The following CLDN14 variants were observed in gnomAD, a reference collection of about 807,000 sequenced individuals.
The protein encoded by CLDN14 is claudin-14.
A neutral mutation model predicts 2.1 loss-of-function variants in CLDN14; 2 were observed. The observed-to-expected ratio is 0.96, with a 90% confidence interval of 0.39 to 3.01. CLDN14 has a LOEUF of 3.01. Among genes scored for constraint, CLDN14 ranks in the 30% most tolerant of loss-of-function variants. The pLI is 0.09. For synonymous variants in CLDN14, 136 were observed against 154.4 expected, an observed-to-expected ratio of 0.88 and a Z score of 0.88; for missense variants, 298 against 328.0, an observed-to-expected ratio of 0.91 and a Z score of 0.71.
intron 2 of CLDN14, among the ~76,000 whole-genome samples, chr21:36,494,457 C>A (rs1002641536): frequency 6.6e-6 from 1 of 152,190 alleles, no homozygotes; most frequent in Non-Finnish European, 1.5e-5. Context: ...AGAATCTGAA[C>A]TGTTACTGCC....
chr21:36,526,778 C>T (rs16997926), intron 1 of CLDN14, among the ~76,000 whole-genome samples: 12,911 of 152,298 alleles, frequency 0.085, 1,190 homozygotes, highest in African/African-American at 0.23. Context: ...ATTAATCTTC[C>T]CTCCAGGCTT....
chr21:36,502,010 A>G (rs960281630), intron 2 of CLDN14, among the ~76,000 whole-genome samples: 2 of 151,948 alleles, frequency 1.3e-5, no homozygotes, highest in African/African-American at 4.8e-5. Context: ...AACCCTGCAC[A>G]CTAGTTTGTA....
At chr21:36,567,855 T>C (rs413616) in intron 1 of CLDN14, among the ~76,000 whole-genome samples, 127,391 of 152,018 alleles carry the variant, frequency 0.84, 53,838 homozygotes, top group Non-Finnish European at 0.9. Context: ...TTTTTTTTCA[T>C]ACATTTGTTT....
At chr21:36,496,095 T>C (rs117024128) in intron 2 of CLDN14, among the ~76,000 whole-genome samples, 3,680 of 152,198 alleles carry the variant, frequency 0.024, 64 homozygotes, top group Admixed American at 0.055. Flanking sequence ...TTGAAGTACT[T>C]TGTTACAGCT....
At position 36,534,399 on chromosome 21, in the gene CLDN14, G is replaced by T. The variant is rs1023073869; in HGVS notation, c.-219-23899C>A. ...GATGGAAGCCCAGGACGATCCCCCC[G>T]TGGGAACCAGAGCAAGGTCGTGAAC... On this transcript the variant is annotated intron_variant, in intron 1 of 2. Transcript: ENST00000342108. Among the ~76,000 whole-genome samples the T allele has an allele frequency of 1.3e-5, 2 of 152,310 alleles. 1 individual carries two copies. The highest frequency in any genetic ancestry group is 4.1e-4 in the South Asian group (2 of 4,820).
chr21:36,499,556 T>C lies in CLDN14; in HGVS notation c.-82+10807A>G, dbSNP rs997161908. The stretch of plus-strand genomic sequence containing the variant: ...AGTTGTTGCAGGGGGCTTGTTGCAA[T>C]GTCCGTACCAGGGCCCCAACCCAGA... On this transcript the variant is annotated intron_variant, in intron 2 of 2. Coordinates refer to the CLDN14 transcript ENST00000342108. This position sits in a 1 kb window ranked among gnomAD's most constrained non-coding sequence, Gnocchi z 4.7. Among the ~76,000 whole-genome samples the C allele has an allele frequency of 2.0e-5, 3 of 152,118 alleles. No individual in the cohort carries two copies. The highest frequency in any genetic ancestry group is 2.9e-5 in the Non-Finnish European group (2 of 68,030).
chr21:36,477,845 C>T (rs219745), intron 1 of CLDN14, among the ~76,000 whole-genome samples: 59,881 of 152,100 alleles, frequency 0.39, 14,241 homozygotes, highest in African/African-American at 0.68. Flanking sequence ...TGAAAAGTCC[C>T]TGGCCCTGGC....
chr21:36,484,709 A>G (rs148893351), upstream of CLDN14, among the ~76,000 whole-genome samples: 7 of 151,326 alleles, frequency 4.6e-5, no homozygotes, highest in East Asian at 1.4e-3. Flanking sequence ...CAATTCTAAG[A>G]AGCTTTTTTT....
intron 1 of CLDN14, among the ~76,000 whole-genome samples, chr21:36,475,978 T>C (rs974905992): frequency 6.6e-6 from 1 of 152,130 alleles, no homozygotes; most frequent in African/African-American, 2.4e-5. Context: ...CCTGGCCTGA[T>C]GTAACTTTTA....
intron 1 of CLDN14, among the ~76,000 whole-genome samples, chr21:36,521,630 C>T (rs1218337622): frequency 6.6e-6 from 1 of 152,202 alleles, no homozygotes; most frequent in Non-Finnish European, 1.5e-5. Flanking sequence ...GGAGGTCCAT[C>T]TGTGTGGGCA....
chr21:36,492,481 C>A (rs1279834650), intron 2 of CLDN14, among the ~76,000 whole-genome samples: 1 of 136,258 alleles, frequency 7.3e-6, no homozygotes, highest in Non-Finnish European at 1.6e-5. Flanking sequence ...CAAAAATTAG[C>A]TGCAGGGCAT....
chr21:36,539,440 AGT>A (rs908898054), intron 1 of CLDN14, among the ~76,000 whole-genome samples: 1 of 128,112 alleles, frequency 7.8e-6, no homozygotes, highest in Non-Finnish European at 1.6e-5. Context: ...GTGTGGAATG[AGT>A]GTGTGTGCAG....
At position 36,491,745 on chromosome 21, in the gene CLDN14, G is replaced by A. The variant is rs1322441804; in HGVS notation, c.-82+18618C>T. Among the ~76,000 whole-genome samples the A allele has an allele frequency of 2.6e-5, 4 of 152,260 alleles. No individual in the cohort carries two copies. The East Asian group carries it at 7.7e-4, about 29-fold the overall frequency. On this transcript the variant is annotated intron_variant, in intron 2 of 2. Transcript: ENST00000342108. ...GGAGTGGCGACTGTAGGAGGCCGGG[G>A]ACTACTGAAGGTCATGTGTGAGGCT...
chr21:36,566,468 A>C (rs1281664223), intron 1 of CLDN14, among the ~76,000 whole-genome samples: 1 of 152,100 alleles, frequency 6.6e-6, no homozygotes, highest in Non-Finnish European at 1.5e-5. Context: ...TCCGGTTTTC[A>C]CAGAAGCTTT....
At chr21:36,482,288 T>C (rs542815547), upstream of CLDN14, among the ~76,000 whole-genome samples, 43 of 152,236 alleles carry the variant, frequency 2.8e-4, no homozygotes, top group African/African-American at 9.4e-4. Context: ...GCAACTATCC[T>C]GATGGGCTGG....
intron 1 of CLDN14, among the ~76,000 whole-genome samples, chr21:36,572,843 A>C (rs1024143369): frequency 2.6e-5 from 4 of 152,222 alleles, no homozygotes; most frequent in African/African-American, 9.6e-5. Flanking sequence ...TGCTTAGCTC[A>C]GTTCCTGGTA....
intron 2 of CLDN14, among the ~76,000 whole-genome samples, chr21:36,489,131 A>AAAAAAAAAAAT: frequency 1.4e-4 from 9 of 62,746 alleles, no homozygotes; most frequent in East Asian, 4.1e-4. Context: ...AAAAAAAAAA[A>AAAAAAAAAAAT]ATATATATAT....
At chr21:36,547,604 C>T (rs111386271) in intron 1 of CLDN14, among the ~76,000 whole-genome samples, 4 of 152,182 alleles carry the variant, frequency 2.6e-5, no homozygotes, top group Admixed American at 6.5e-5. Context: ...TGTTCGAGAG[C>T]GAAGTTAAAT....
chr21:36,524,260 C>G (rs2087305023), intron 1 of CLDN14, among the ~76,000 whole-genome samples: 1 of 152,148 alleles, frequency 6.6e-6, no homozygotes, highest in Non-Finnish European at 1.5e-5. Flanking sequence ...GCTGGGGTCA[C>G]ACGTGTGTGC....
Sources: gnomAD v4.1 joint callset for allele counts (sites outside exome capture counted in the v4.1 genomes callset) on GRCh38, gnomAD v4.1.1 for gene constraint, Gnocchi (gnomAD v3.1) non-coding constraint, MANE v1.5 for transcripts, NCBI Gene and HGNC (gene_info 2026-07-23, HGNC 2026-07-21) for gene names.